FXR1: variants seen among roughly 807,000 people sequenced by gnomAD.
FXR1 encodes the protein RNA-binding protein FXR1.
Under a neutral mutation model 84.0 loss-of-function variants are expected in FXR1, and 15 were observed. The observed-to-expected ratio is 0.18, with a 90% CI of 0.12 to 0.27. The LOEUF is 0.27. Ranked by LOEUF, FXR1 falls within the 10% of genes least tolerant of loss-of-function variation. The pLI, the probability that FXR1 is intolerant of heterozygous loss-of-function variation, is 1.00. For missense variants in FXR1, 480 were observed against 774.4 expected, an observed-to-expected ratio of 0.62 and a Z score of 4.51; for synonymous variants, 245 against 250.7, an observed-to-expected ratio of 0.98 and a Z score of 0.21.
At chr3:180,966,600 T>G (rs993226976) in intron 13 of FXR1, among the ~76,000 whole-genome samples, 10 of 152,146 alleles carry the variant, frequency 6.6e-5, no homozygotes, top group Non-Finnish European at 1.3e-4. Flanking sequence ...GTTGAGAAAA[T>G]TGTTATACAC....
intron 3 of FXR1, among the ~76,000 whole-genome samples, chr3:180,936,546 G>A (rs1720549651): frequency 6.6e-6 from 1 of 152,214 alleles, no homozygotes; most frequent in Non-Finnish European, 1.5e-5. Flanking sequence ...GGGATTACAG[G>A]TGTGAGCCAC....
At chr3:180,916,356 C>T (rs868782456) in intron 1 of FXR1, among the ~76,000 whole-genome samples, 20 of 152,264 alleles carry the variant, frequency 1.3e-4, no homozygotes, top group African/African-American at 4.8e-4. Flanking sequence ...TTTGTAATAG[C>T]ATTGCAATTT....
intron 1 of FXR1, 62 bp from the exon 2 acceptor site, chr3:180,933,272 A>G: frequency 3.1e-6 from 3 of 959,066 alleles, no homozygotes; most frequent in Non-Finnish European, 3.4e-6. Context: ...AACTAATACA[A>G]CCTTTTAGAG....
intron 1 of FXR1, among the ~76,000 whole-genome samples, chr3:180,924,793 C>T (rs1718978319): frequency 6.6e-6 from 1 of 151,946 alleles, no homozygotes; most frequent in South Asian, 2.1e-4. Context: ...TGCCTGGCCT[C>T]AATGCAATTT....
chr3:180,935,505 A>G (rs1720419830), intron 3 of FXR1, among the ~76,000 whole-genome samples: 1 of 152,232 alleles, frequency 6.6e-6, no homozygotes, highest in African/African-American at 2.4e-5. Context: ...AGAACCTAGC[A>G]TTGAACGCTA....
chr3:180,968,190 C>G lies in FXR1; in HGVS notation c.1338C>G (p.Gly446=). Residue 446 remains glycine (G), a synonymous_variant, in exon 14 of 17, where the codon GGC becomes GGG. Coordinates refer to ENST00000357559, the MANE Select transcript of FXR1 (RefSeq NM_005087.4). The part of the protein sequence containing the change: ...RDSRRRPGGR[G]RSVSGGRGRG... ...GCAGGAGACGCCCAGGAGGAAGAGG[C>G]AGAAGTGTTTCAGGGGGTCGAGGTC... The G allele has an allele frequency of 2.5e-6, 4 of 1,613,828 alleles. No homozygotes were observed. Among genetic ancestry groups the G allele is most frequent in the Non-Finnish European group, 3.4e-6 (4 of 1,179,754 alleles).
At chr3:180,962,842 T>A (rs905550918) in intron 11 of FXR1, 41 bp from the exon 12 acceptor site, 5 of 1,383,494 alleles carry the variant, frequency 3.6e-6, no homozygotes, top group Middle Eastern at 2.3e-4. Context: ...AAACAAAAAG[T>A]TATATATAAG....
intron 3 of FXR1, among the ~76,000 whole-genome samples, chr3:180,938,843 C>T (rs896218821): frequency 6.6e-6 from 1 of 151,920 alleles, no homozygotes; most frequent in Non-Finnish European, 1.5e-5. Context: ...CCACTGTGCC[C>T]AGCCCTGAGT....
chr3:180,979,829 A>G lies in FXR1; in HGVS notation c.*3537A>G, dbSNP rs1047289700. On this transcript the variant is annotated 3_prime_UTR_variant, in exon 17 of 17. Coordinates refer to ENST00000357559, the MANE Select transcript of FXR1 (RefSeq NM_005087.4). Reference sequence around the variant, plus strand: ...TGGTTCAGTCTAATTACAAATTTTTAAAAAGTTTATCAGTGTATCATTTCA... The same window carrying G: ...TGGTTCAGTCTAATTACAAATTTTTGAAAAGTTTATCAGTGTATCATTTCA... The G allele has an allele frequency of 6.6e-6, 1 of 152,086 alleles. No individual in the cohort carries two copies. The highest frequency in any genetic ancestry group is 1.5e-5 in the Non-Finnish European group (1 of 67,954). 9.4% of individuals were successfully genotyped at this position (152,086 alleles called of 1,614,324 possible). A position where few individuals can be genotyped will look rare whatever the true frequency, so the allele number is the denominator to read the frequency against.
chr3:180,939,530 A>G (rs1322362140), intron 3 of FXR1, among the ~76,000 whole-genome samples: 1 of 152,128 alleles, frequency 6.6e-6, no homozygotes, highest in Middle Eastern at 3.2e-3. Flanking sequence ...TGGAAAGTAG[A>G]GCTTCCATGA....
At chr3:180,925,975 C>G (rs562104893) in intron 1 of FXR1, among the ~76,000 whole-genome samples, 1 of 152,282 alleles carries the variant, frequency 6.6e-6, no homozygotes. Flanking sequence ...AGACCCTTCA[C>G]TATCTAACAA....
chr3:180,953,415 C>T (rs1489132982), intron 8 of FXR1, among the ~76,000 whole-genome samples: 1 of 152,030 alleles, frequency 6.6e-6, no homozygotes, highest in Admixed American at 6.6e-5. Flanking sequence ...GAATTTCAAG[C>T]AGGAGGTATA....
chr3:180,924,678 G>T (rs943262334), intron 1 of FXR1, among the ~76,000 whole-genome samples: 4 of 151,922 alleles, frequency 2.6e-5, no homozygotes, highest in African/African-American at 9.7e-5. Flanking sequence ...TTTTAGTAGA[G>T]ACGGGGTTTC....
At chr3:180,962,857 C>T in intron 11 of FXR1, 26 bp from the exon 12 acceptor site, 1 of 1,496,524 alleles carries the variant, frequency 6.7e-7, no homozygotes, top group Non-Finnish European at 9.3e-7. Context: ...TATAAGAAGA[C>T]TTACTCTTTT....
intron 7 of FXR1, among the ~76,000 whole-genome samples, chr3:180,950,858 G>C (rs1722163749): frequency 6.6e-6 from 1 of 152,048 alleles, no homozygotes. Flanking sequence ...TTGGTCTGTG[G>C]ATTTGGGTTG....
At chr3:180,962,076 G>C (rs1296253443) in intron 11 of FXR1, among the ~76,000 whole-genome samples, 1 of 151,908 alleles carries the variant, frequency 6.6e-6, no homozygotes, top group Non-Finnish European at 1.5e-5. Flanking sequence ...AAAGAGCAAG[G>C]GTTTTTAGAA....
At chr3:180,941,079 T>C (rs1199930221) in intron 3 of FXR1, among the ~76,000 whole-genome samples, 1 of 152,122 alleles carries the variant, frequency 6.6e-6, no homozygotes, top group Non-Finnish European at 1.5e-5. Flanking sequence ...CTATATATTA[T>C]ATTAAAATGT....
chr3:180,964,798 T>TA (rs1320703564), intron 13 of FXR1, among the ~76,000 whole-genome samples: 1 of 151,292 alleles, frequency 6.6e-6, no homozygotes, highest in African/African-American at 2.4e-5. Flanking sequence ...TTGGACATCT[T>TA]ACAACTTTAG....
At chr3:180,935,674 T>C (rs904354094) in intron 3 of FXR1, among the ~76,000 whole-genome samples, 1 of 152,216 alleles carries the variant, frequency 6.6e-6, no homozygotes, top group Admixed American at 6.5e-5. Context: ...TGTAACTAGC[T>C]TTCTGCCTTC....
Sources: allele counts gnomAD v4.1 joint callset (sites outside exome capture counted in the v4.1 genomes callset), GRCh38; gene constraint gnomAD v4.1.1; transcripts MANE v1.5; gene names NCBI Gene and HGNC (gene_info 2026-07-23, HGNC 2026-07-21).